CCDC13: variants seen among roughly 807,000 people sequenced by gnomAD.
The protein encoded by CCDC13 is coiled-coil domain-containing protein 13.
CCDC13 carries 70 observed loss-of-function variants against 87.3 expected under a neutral mutation model. That is an observed-to-expected ratio of 0.80 (90% CI 0.66 to 0.98). The LOEUF is 0.98. CCDC13 is among the 50% of genes least tolerant of loss of function. CCDC13 has a pLI of 0.00. For missense variants in CCDC13, 842 were observed against 892.0 expected (o/e 0.94, Z 0.71); for synonymous variants, 317 against 360.3 (o/e 0.88, Z 1.36).
At chr3:42,772,159 C>T (rs1212544125) in intron 1 of CCDC13, among the ~76,000 whole-genome samples, 2 of 151,068 alleles carry the variant, frequency 1.3e-5, no homozygotes, top group African/African-American at 4.9e-5. Context: ...GTAATCCCAG[C>T]TACTCGAGCC....
chr3:42,717,548 A>T (rs1354290332), intron 13 of CCDC13, among the ~76,000 whole-genome samples: 1 of 152,166 alleles, frequency 6.6e-6, no homozygotes, highest in South Asian at 2.1e-4. Flanking sequence ...GGAAATAGAG[A>T]TAACGGTTGC....
chr3:42,756,276 T>C (rs1699701996), intron 3 of CCDC13, among the ~76,000 whole-genome samples: 1 of 152,128 alleles, frequency 6.6e-6, no homozygotes, highest in Non-Finnish European at 1.5e-5. Flanking sequence ...CACAGGACAA[T>C]CAAGTCCAAA....
chr3:42,706,384 G>A lies in CCDC13; in HGVS notation c.*2596C>T, dbSNP rs139025731. 1.3e-5 allele frequency: 2 copies of A among 152,366 alleles called. No homozygotes were observed. Among genetic ancestry groups the A allele is most frequent in the Non-Finnish European group, 2.9e-5 (2 of 68,062 alleles). 9.4% of individuals were successfully genotyped at this position (152,366 alleles called of 1,614,324 possible). A position where few individuals can be genotyped will look rare whatever the true frequency, so the allele number is the denominator to read the frequency against. ...TAATTATTAAGCGCTTACTGTGTGC[G>A]AGCAGCTGCTGTAAGCAATGGACAC... On this transcript the variant is annotated 3_prime_UTR_variant, in exon 16 of 16. Coordinates refer to ENST00000310232, the MANE Select transcript of CCDC13 (RefSeq NM_144719.4).
rs1223704955 is a variant in CCDC13 at position 42,758,357 on chromosome 3, C to T, written c.-6-6G>A. 1.9e-6 allele frequency: 3 copies of T among 1,611,382 alleles called. No individual in the cohort carries two copies. Among genetic ancestry groups the T allele is most frequent in the Non-Finnish European group, 1.7e-6 (2 of 1,179,822 alleles). On this transcript the variant is annotated splice_polypyrimidine_tract_variant and splice_region_variant and intron_variant, in intron 1 of 15. Coordinates refer to ENST00000310232, the MANE Select transcript of CCDC13 (RefSeq NM_144719.4). ...TCATCTGCTGCCATCCTGCCCTAGG[C>T]ATCAGAAATGAAGCCTCAGCTGAAG...
intron 15 of CCDC13, 44 bp from the exon 16 acceptor site, chr3:42,709,183 C>G: frequency 6.4e-7 from 1 of 1,570,108 alleles, no homozygotes; most frequent in Non-Finnish European, 8.6e-7. Context: ...GAGCTGCACA[C>G]AGGTGTGCGT....
intron 9 of CCDC13, 139 bp from the exon 10 acceptor site, chr3:42,736,052 AC>A: frequency 2.7e-6 from 2 of 740,076 alleles, no homozygotes; most frequent in Non-Finnish European, 2.2e-6. Flanking sequence ...AGAGGCAGGA[AC>A]ACCTTCCTTG....
chr3:42,719,762 G>T (rs1453046356), intron 13 of CCDC13, among the ~76,000 whole-genome samples: 2 of 152,172 alleles, frequency 1.3e-5, no homozygotes, highest in Non-Finnish European at 2.9e-5. Context: ...TGGCAGCCTG[G>T]GTTCAGGGTT....
At chr3:42,705,162 T>C (rs1159468861), downstream of CCDC13, among the ~76,000 whole-genome samples, 1 of 152,148 alleles carries the variant, frequency 6.6e-6, no homozygotes, top group Non-Finnish European at 1.5e-5. Context: ...AGAGTCAGTG[T>C]ACGTAAAGGC....
intron 13 of CCDC13, 98 bp from the exon 14 acceptor site, chr3:42,713,414 A>T: frequency 4.3e-6 from 5 of 1,165,616 alleles, no homozygotes; most frequent in Non-Finnish European, 6.1e-6. Flanking sequence ...CACATCTTAC[A>T]TTGGTAGTGA....
At chr3:42,719,860 A>T (rs1698520361) in intron 13 of CCDC13, among the ~76,000 whole-genome samples, 1 of 152,216 alleles carries the variant, frequency 6.6e-6, no homozygotes, top group South Asian at 2.1e-4. Context: ...AAAGAACTTT[A>T]ATTGGTTTGA....
chr3:42,765,562 C>T (rs747682132), intron 1 of CCDC13, among the ~76,000 whole-genome samples: 8 of 152,280 alleles, frequency 5.3e-5, no homozygotes, highest in South Asian at 2.1e-4. Flanking sequence ...TGCACCACTA[C>T]GCCCAGCTAA....
chr3:42,709,167 T>A, intron 15 of CCDC13, 28 bp from the exon 16 acceptor site: 1 of 1,593,530 alleles, frequency 6.3e-7, no homozygotes, highest in Non-Finnish European at 8.5e-7. Context: ...GTGCTCAGTG[T>A]GGCTGGAGCT....
intron 9 of CCDC13, among the ~76,000 whole-genome samples, chr3:42,736,496 G>A (rs533745400): frequency 6.6e-6 from 1 of 152,290 alleles, no homozygotes; most frequent in East Asian, 1.9e-4. Context: ...GCATGACTGG[G>A]ACTAGTTTGC....
At position 42,739,640 on chromosome 3, in the gene CCDC13, G is replaced by T. The variant is rs1462434894; in HGVS notation, c.1158C>A (p.Ala386=). The T allele has an allele frequency of 6.2e-7, 1 of 1,613,752 alleles. No homozygotes were observed. The highest frequency in any genetic ancestry group is 1.7e-5 in the Admixed American group (1 of 60,000). Residue 386 remains alanine, a synonymous_variant, in exon 9 of 16, where the codon GCC becomes GCA. Coordinates refer to ENST00000310232, the MANE Select transcript of CCDC13 (RefSeq NM_144719.4). ...CTGAGTGGTGGGGCCATACCATGAG[G>T]GCGTCGATGAGCTCGTCATCATGCC... ...KGRHDDELID[A]LMDQLKQLQE...
At chr3:42,745,857 G>C (rs1699377523) in intron 7 of CCDC13, 66 bp downstream of exon 7, 4 of 1,312,492 alleles carry the variant, frequency 3.0e-6, no homozygotes, top group Non-Finnish European at 4.4e-6. Context: ...AGGGGGTCAG[G>C]GCAGCTCTTT....
At position 42,747,246 on chromosome 3, in the gene CCDC13, C is replaced by T. The variant is rs745924815; in HGVS notation, c.720+11G>A. The T allele has an allele frequency of 2.2e-5, 35 of 1,607,350 alleles. No individual in the cohort carries two copies. Among genetic ancestry groups the T allele is most frequent in the Non-Finnish European group, 3.0e-5 (35 of 1,174,004 alleles). On this transcript the variant is annotated intron_variant, in intron 6 of 15. Transcript: ENST00000310232. ...CCACACAAGAAGCCCCAAGCCCTGG[C>T]TCTGAAAGACCTTCTGTGCCATCCG...
chr3:42,709,758 G>A lies in CCDC13; in HGVS notation c.1914C>T (p.Ser638=), dbSNP rs143303059. 2.1e-4 allele frequency: 346 copies of A among 1,614,136 alleles called. No homozygotes were observed. Among genetic ancestry groups the A allele is most frequent in the Non-Finnish European group, 2.7e-4 (318 of 1,179,996 alleles). Residue 638 remains serine (S), a synonymous_variant, in exon 15 of 16, where the codon AGC becomes AGT. Coordinates refer to ENST00000310232, the MANE Select transcript of CCDC13 (RefSeq NM_144719.4). The stretch of plus-strand genomic sequence containing the variant: ...GGGCAAAGGATGGGTCCTTCTTCTC[G>A]CTCCCGGTTGGGTTGTGCCTGTTGT... ...TSNNRHNPTG[S]EKKDPSFAQL... is the part of the protein sequence containing the mutation.
intron 5 of CCDC13, among the ~76,000 whole-genome samples, chr3:42,750,920 C>G (rs1046815897): frequency 2.0e-5 from 3 of 152,182 alleles, no homozygotes. Context: ...TCCCCTGAAG[C>G]CAGGAAAGGC....
chr3:42,751,074 C>T (rs1559656709), intron 5 of CCDC13, among the ~76,000 whole-genome samples: 1 of 152,162 alleles, frequency 6.6e-6, no homozygotes. Context: ...CTGAGGGGCC[C>T]ATCACTGCAC....
Sources: allele counts gnomAD v4.1 joint callset (sites outside exome capture counted in the v4.1 genomes callset), GRCh38; gene constraint gnomAD v4.1.1; transcripts MANE v1.5; gene names NCBI Gene and HGNC (gene_info 2026-07-23, HGNC 2026-07-21).